EBF3: variants seen among roughly 807,000 people sequenced by gnomAD.
The protein encoded by EBF3 is transcription factor COE3.
A neutral mutation model predicts 77.1 loss-of-function variants in EBF3; 18 were observed. That is an observed-to-expected ratio of 0.23 (90% CI 0.16 to 0.35). The LOEUF is 0.35. Ranked by LOEUF, EBF3 falls within the 10% of genes least tolerant of loss-of-function variation. The probability of loss-of-function intolerance (pLI) is 1.00; values close to 1 mark genes in which losing one functional copy is unlikely to be tolerated. For synonymous variants in EBF3, 350 were observed against 343.5 expected, an observed-to-expected ratio of 1.02 and a Z score of -0.21; for missense variants, 558 against 860.0, an observed-to-expected ratio of 0.65 and a Z score of 4.39.
At chr10:129,917,884 C>A (rs937055613) in intron 6 of EBF3, among the ~76,000 whole-genome samples, 2 of 152,120 alleles carry the variant, frequency 1.3e-5, no homozygotes, top group Admixed American at 1.3e-4. Context: ...CTAACAGTAG[C>A]AGATAAGGTG....
chr10:129,889,295 G>C (rs868717), intron 6 of EBF3, among the ~76,000 whole-genome samples: 1 of 152,354 alleles, frequency 6.6e-6, no homozygotes, highest in South Asian at 2.1e-4. Flanking sequence ...GCCAGAGCTC[G>C]TGGCACAGGA....
chr10:129,873,302 C>A, intron 8 of EBF3, 150 bp downstream of exon 8: 1 of 960,262 alleles, frequency 1.0e-6, no homozygotes, highest in South Asian at 4.9e-5. Flanking sequence ...CCCCTTCCAC[C>A]TCGGGGACAC....
rs755109142 is a variant in EBF3, at chr10:129,879,880, G to C, written c.555-2031C>G. On this transcript the variant is annotated intron_variant, in intron 6 of 16. Coordinates refer to ENST00000440978, the MANE Select transcript of EBF3 (RefSeq NM_001375380.1). This position sits in a 1 kb window ranked among gnomAD's most constrained non-coding sequence, Gnocchi z 4.7. ...CAGGCAATTAGGTTTTCACTTCGGG[G>C]ACAGCAACACGGTGCAATTACACCA... Among the ~76,000 whole-genome samples, 11 of 152,258 alleles carry C rather than the reference G, an allele frequency of 7.2e-5. No individual in the cohort carries two copies. Among genetic ancestry groups the C allele is most frequent in the Non-Finnish European group, 1.0e-4 (7 of 68,008 alleles).
At chr10:129,942,132 CCTGCAGGTTCTTAGCA>C (rs1857797437) in intron 6 of EBF3, among the ~76,000 whole-genome samples, 1 of 152,182 alleles carries the variant, frequency 6.6e-6, no homozygotes, top group Admixed American at 6.5e-5. Context: ...TGGACGGCTC[CCTGCAGGTTCTTAGCA>C]CTAACTGATT....
Position 129,839,172 on chromosome 10 carries a change from C to G in EBF3, c.1783G>C (p.Val595Leu). Reference sequence around the variant, plus strand: ...GGCCAGTTTGTCTTCTCCGCGGCTACGTCCTCAGCACCCAGCAGAGAGCCT... The same window carrying G: ...GGCCAGTTTGTCTTCTCCGCGGCTAGGTCCTCAGCACCCAGCAGAGAGCCT... ...LQGSLLGAED[V>L]AAEKTNWPFC... is the part of the protein sequence containing the mutation. Residue 595 changes from valine to leucine, a missense_variant, in exon 16 of 17, where the codon GTA becomes CTA. Around this residue, in one of 5 missense-constraint regions of EBF3, gnomAD observed 284 missense variants for 368.3 expected, o/e 0.77. Coordinates refer to ENST00000440978, the MANE Select transcript of EBF3 (RefSeq NM_001375380.1). 3 of 1,300,876 alleles carry G rather than the reference C, an allele frequency of 2.3e-6. No homozygotes were observed. In the South Asian group the frequency reaches 3.7e-5, roughly 16 times the overall value. The allele number at this position is 1,300,876 out of a possible 1,614,324, so 80.6% of individuals were successfully genotyped here. A position where few individuals can be genotyped will look rare whatever the true frequency, so the allele number is the denominator to read the frequency against.
intron 15 of EBF3, among the ~76,000 whole-genome samples, chr10:129,839,748 A>G (rs1849875260): frequency 6.6e-6 from 1 of 152,186 alleles, no homozygotes; most frequent in African/African-American, 2.4e-5. Flanking sequence ...AGATTTTGAG[A>G]TGGGCTCCAC....
chr10:129,842,735 GC>G lies in EBF3; in HGVS notation c.1194+401del, dbSNP rs1850166685. Among the ~76,000 whole-genome samples, 1 of 142,326 alleles carries G rather than the reference GC, an allele frequency of 7.0e-6. No homozygotes were observed. Among genetic ancestry groups the G allele is most frequent in the African/African-American group, 2.7e-5 (1 of 37,616 alleles). 93.4% of individuals were successfully genotyped at this position (142,326 alleles called of 152,430 possible). A position where few individuals can be genotyped will look rare whatever the true frequency, so the allele number is the denominator to read the frequency against. On this transcript the variant is annotated intron_variant, in intron 12 of 16. Transcript: ENST00000440978. The surrounding 1 kb of genome is among the most constrained non-coding windows in gnomAD (Gnocchi z 4.4). ...ACCGACACTGCCCTACTGCACTCCA[GC>G]CTGGGTGACAGAGCAAGACCCTGTC...
chr10:129,936,837 C>G (rs1029466864), intron 6 of EBF3, among the ~76,000 whole-genome samples: 1 of 152,126 alleles, frequency 6.6e-6, no homozygotes, highest in African/African-American at 2.4e-5. Context: ...CAGGGAAGCA[C>G]TGCTACAACC....
chr10:129,904,692 C>T (rs1855014995), intron 6 of EBF3, among the ~76,000 whole-genome samples: 1 of 151,684 alleles, frequency 6.6e-6, no homozygotes, highest in South Asian at 2.1e-4. Context: ...CTATATAATA[C>T]AAATATATAG....
intron 6 of EBF3, among the ~76,000 whole-genome samples, chr10:129,892,870 A>G (rs1854119430): frequency 6.6e-6 from 1 of 152,240 alleles, no homozygotes; most frequent in African/African-American, 2.4e-5. Context: ...CGTCGCCATC[A>G]AATCATAACC....
intron 6 of EBF3, among the ~76,000 whole-genome samples, chr10:129,928,734 G>A (rs1856827579): frequency 6.6e-6 from 1 of 152,310 alleles, no homozygotes; most frequent in South Asian, 2.1e-4. Context: ...TACTCCACTA[G>A]GTCAGAGAAG....
intron 6 of EBF3, among the ~76,000 whole-genome samples, chr10:129,922,573 C>T (rs1856384338): frequency 6.6e-6 from 1 of 152,236 alleles, no homozygotes; most frequent in South Asian, 2.1e-4. Context: ...TTCATGGGGA[C>T]AGAAAGGCGT....
intron 4 of EBF3, among the ~76,000 whole-genome samples, chr10:129,961,217 TCA>T (rs1859495036): frequency 6.6e-6 from 1 of 152,252 alleles, no homozygotes; most frequent in Non-Finnish European, 1.5e-5. Context: ...GAAGCCACTT[TCA>T]TTTCTAAGTG....
intron 10 of EBF3, among the ~76,000 whole-genome samples, chr10:129,866,892 C>T (rs780730554): frequency 7.9e-5 from 12 of 152,210 alleles, no homozygotes; most frequent in Non-Finnish European, 1.3e-4. Flanking sequence ...GGTGAGAAGC[C>T]CCACAAAGGG....
intron 6 of EBF3, among the ~76,000 whole-genome samples, chr10:129,955,979 T>C (rs1042522841): frequency 3.3e-5 from 5 of 152,202 alleles, no homozygotes; most frequent in Non-Finnish European, 7.3e-5. Flanking sequence ...TAAAGACAGA[T>C]ATAATTATAT....
At chr10:129,909,463 C>G (rs890530501) in intron 6 of EBF3, among the ~76,000 whole-genome samples, 1 of 152,240 alleles carries the variant, frequency 6.6e-6, no homozygotes, top group Admixed American at 6.5e-5. Flanking sequence ...TCCCTCGGAA[C>G]AGCAGCCACT....
intron 7 of EBF3, among the ~76,000 whole-genome samples, chr10:129,874,769 G>T (rs1462887923): frequency 6.6e-6 from 1 of 152,192 alleles, no homozygotes; most frequent in Non-Finnish European, 1.5e-5. Context: ...TTCCCAGTCA[G>T]GGTACACCTT....
intron 6 of EBF3, among the ~76,000 whole-genome samples, chr10:129,888,127 T>A (rs1853741915): frequency 6.6e-6 from 1 of 152,202 alleles, no homozygotes; most frequent in South Asian, 2.1e-4. Context: ...AACGTGGGCG[T>A]GCTCCAGGAA....
chr10:129,872,973 C>T (rs1852507125), intron 8 of EBF3, among the ~76,000 whole-genome samples: 1 of 152,130 alleles, frequency 6.6e-6, no homozygotes. Flanking sequence ...TTCACCCCCT[C>T]CTCCTTGCCC....
Sources: allele counts gnomAD v4.1 joint callset (sites outside exome capture counted in the v4.1 genomes callset), GRCh38; gene constraint gnomAD v4.1.1; regional missense constraint gnomAD v4.1.1; non-coding constraint Gnocchi (gnomAD v3.1); transcripts MANE v1.5; gene names NCBI Gene and HGNC (gene_info 2026-07-23, HGNC 2026-07-21).